The following CACNA2D3 variants were observed in gnomAD, a reference collection of about 807,000 sequenced individuals.
CACNA2D3 encodes calcium voltage-gated channel auxiliary subunit alpha2delta 3, also known as voltage-dependent calcium channel subunit alpha-2/delta-3.
CACNA2D3 carries 60 observed loss-of-function variants against 160.6 expected under a neutral mutation model. The observed-to-expected ratio is 0.37, with a 90% confidence interval of 0.30 to 0.46. The LOEUF is 0.46. Among genes scored for constraint, CACNA2D3 ranks in the 20% least tolerant of loss-of-function variants. CACNA2D3 has a pLI of 1.00. For synonymous variants in CACNA2D3, 558 were observed against 492.9 expected, an observed-to-expected ratio of 1.13 and a Z score of -1.75; for missense variants, 1,205 against 1,365.0, an observed-to-expected ratio of 0.88 and a Z score of 1.85.
rs138613673 is a variant in CACNA2D3, at chr3:54,956,573, C to T, written c.2450-11877C>T. ...GCCAAAAATACTTTCTCCCCCACTCCCTCTTCAACTGGTCTTAGGCTGTCA... is the reference window on the plus strand; with the variant it reads ...GCCAAAAATACTTTCTCCCCCACTCTCTCTTCAACTGGTCTTAGGCTGTCA... On this transcript the variant is annotated intron_variant, in intron 27 of 37. Transcript: ENST00000474759. 7.3e-3 allele frequency among the ~76,000 whole-genome samples: 1,104 copies of T among 152,274 alleles called. 7 individuals are homozygous for T. Among genetic ancestry groups the T allele is most frequent in the Non-Finnish European group, 0.012 (830 of 68,032 alleles).
Position 54,462,971 on chromosome 3 carries a change from G to C in CACNA2D3, c.382-40521G>C, listed in dbSNP as rs578244951. Among the ~76,000 whole-genome samples the C allele has an allele frequency of 9.3e-5, 14 of 149,898 alleles. No individual in the cohort carries two copies. In the East Asian group the frequency reaches 2.8e-3, roughly 30 times the overall value. Reference sequence around the variant, plus strand: ...CAGGAGCTCTTTTAGGGCAGGCCTGGTGGTGACAAAATCTCTCAGCATTTG... The same window carrying C: ...CAGGAGCTCTTTTAGGGCAGGCCTGCTGGTGACAAAATCTCTCAGCATTTG... On this transcript the variant is annotated intron_variant, in intron 4 of 37. Coordinates refer to ENST00000474759, the MANE Select transcript of CACNA2D3 (RefSeq NM_018398.3).
At chr3:54,754,394 A>C (rs563466919) in intron 12 of CACNA2D3, among the ~76,000 whole-genome samples, 1 of 152,306 alleles carries the variant, frequency 6.6e-6, no homozygotes, top group Admixed American at 6.5e-5. Context: ...TAGTGACAAT[A>C]CCTTCCCCTC....
intron 2 of CACNA2D3, among the ~76,000 whole-genome samples, chr3:54,183,470 G>A (rs780861548): frequency 5.1e-4 from 77 of 152,044 alleles, no homozygotes; most frequent in Non-Finnish European, 1.0e-3. Flanking sequence ...ATATACTTGG[G>A]TGCTTTTTGC....
intron 4 of CACNA2D3, among the ~76,000 whole-genome samples, chr3:54,457,837 T>C (rs570749498): frequency 6.6e-6 from 1 of 152,232 alleles, no homozygotes; most frequent in South Asian, 2.1e-4. Context: ...CATAATGACT[T>C]TCTTTGTCTC....
At chr3:55,021,920 T>G (rs1703465738) in intron 35 of CACNA2D3, among the ~76,000 whole-genome samples, 1 of 152,008 alleles carries the variant, frequency 6.6e-6, no homozygotes, top group South Asian at 2.1e-4. Context: ...GAAACTTGCT[T>G]TGTATTTCCA....
intron 29 of CACNA2D3, among the ~76,000 whole-genome samples, chr3:54,980,251 T>C (rs1477968554): frequency 1.3e-5 from 2 of 152,224 alleles, no homozygotes; most frequent in African/African-American, 2.4e-5. Context: ...TATAACCCTT[T>C]ACATTTTTTT....
intron 4 of CACNA2D3, among the ~76,000 whole-genome samples, chr3:54,471,795 A>T (rs1383309532): frequency 6.6e-6 from 1 of 152,208 alleles, no homozygotes; most frequent in Admixed American, 6.5e-5. Flanking sequence ...AAACTAGAAA[A>T]TCTAGAAGAA....
At chr3:54,497,899 A>C (rs1701227225) in intron 4 of CACNA2D3, among the ~76,000 whole-genome samples, 2 of 151,934 alleles carry the variant, frequency 1.3e-5, no homozygotes, top group Admixed American at 1.3e-4. Context: ...AATTATGTTG[A>C]TTAATCAAAT....
chr3:54,984,564 G>A (rs1363306978), intron 29 of CACNA2D3, 44 bp from the exon 30 acceptor site: 1 of 1,176,360 alleles, frequency 8.5e-7, no homozygotes, highest in Admixed American at 2.1e-5. Context: ...ATGGCCCGAA[G>A]TTGAAGCTGT....
intron 2 of CACNA2D3, among the ~76,000 whole-genome samples, chr3:54,319,831 A>T (rs751780342): frequency 1.3e-5 from 2 of 152,154 alleles, no homozygotes; most frequent in African/African-American, 2.4e-5. Context: ...GAAAATAACA[A>T]TACTTTCCAG....
chr3:54,485,615 G>A (rs1352840877), intron 4 of CACNA2D3, among the ~76,000 whole-genome samples: 2 of 151,482 alleles, frequency 1.3e-5, no homozygotes, highest in East Asian at 1.9e-4. Context: ...CCAGGCTGGA[G>A]TGCAGTTGTG....
chr3:54,659,283 A>C (rs140930564), intron 11 of CACNA2D3, among the ~76,000 whole-genome samples: 3 of 152,110 alleles, frequency 2.0e-5, no homozygotes, highest in Non-Finnish European at 4.4e-5. Context: ...CCTGGCACAC[A>C]GTGTGCGTTC....
intron 20 of CACNA2D3, among the ~76,000 whole-genome samples, chr3:54,880,277 G>A (rs1048192419): frequency 6.6e-6 from 1 of 152,196 alleles, no homozygotes; most frequent in Non-Finnish European, 1.5e-5. Flanking sequence ...CTTAAATCAA[G>A]CCAGTGAGTG....
chr3:54,764,653 C>T (rs1377258500), intron 13 of CACNA2D3, among the ~76,000 whole-genome samples: 2 of 152,122 alleles, frequency 1.3e-5, no homozygotes, highest in Middle Eastern at 3.2e-3. Context: ...GTCAGTGTAG[C>T]AATGATTACA....
At chr3:54,757,671 C>T (rs928970552) in intron 12 of CACNA2D3, among the ~76,000 whole-genome samples, 5 of 152,216 alleles carry the variant, frequency 3.3e-5, no homozygotes, top group African/African-American at 1.2e-4. Context: ...AAAACAGCAA[C>T]TAAGGATGAC....
At chr3:54,518,698 G>T (rs555009612) in intron 5 of CACNA2D3, among the ~76,000 whole-genome samples, 1 of 152,316 alleles carries the variant, frequency 6.6e-6, no homozygotes, top group African/African-American at 2.4e-5. Flanking sequence ...CGATGAAGGA[G>T]ATACTATGAG....
At chr3:54,460,124 T>G (rs1357071143) in intron 4 of CACNA2D3, among the ~76,000 whole-genome samples, 3 of 151,626 alleles carry the variant, frequency 2.0e-5, no homozygotes, top group African/African-American at 4.8e-5. Flanking sequence ...TTCTGTTCCA[T>G]TGATCTATAT....
At chr3:55,000,096 A>G (rs1407765108) in intron 31 of CACNA2D3, among the ~76,000 whole-genome samples, 1 of 152,084 alleles carries the variant, frequency 6.6e-6, no homozygotes, top group African/African-American at 2.4e-5. Flanking sequence ...ATACACCCCC[A>G]CTGCTGAGTG....
intron 4 of CACNA2D3, among the ~76,000 whole-genome samples, chr3:54,500,581 C>CCTTT (rs36133246): frequency 2.8e-5 from 4 of 140,368 alleles, no homozygotes; most frequent in Non-Finnish European, 3.0e-5. Context: ...TCTTTTCATT[C>CCTTT]CTTTCTTTCT....
Sources: gnomAD v4.1 joint callset for allele counts (sites outside exome capture counted in the v4.1 genomes callset) on GRCh38, gnomAD v4.1.1 for gene constraint, MANE v1.5 for transcripts, NCBI Gene and HGNC (gene_info 2026-07-23, HGNC 2026-07-21) for gene names.